Variants in ADCY3 observed in about 807,000 individuals in gnomAD.
The protein encoded by ADCY3 is adenylate cyclase type 3.
Under a neutral mutation model 119.4 loss-of-function variants are expected in ADCY3, and 70 were observed. That is an observed-to-expected ratio of 0.59 (90% confidence interval 0.48 to 0.72). The LOEUF (loss-of-function observed/expected upper bound fraction) is 0.72, where lower values mean the gene tolerates loss of function less well. Among genes scored for constraint, ADCY3 ranks in the 30% least tolerant of loss-of-function variants. ADCY3 has a pLI of 0.00. For synonymous variants in ADCY3, 672 were observed against 621.4 expected, an observed-to-expected ratio of 1.08 and a Z score of -1.21; for missense variants, 1,238 against 1,541.6, an observed-to-expected ratio of 0.80 and a Z score of 3.30.
intron 3 of ADCY3, among the ~76,000 whole-genome samples, chr2:24,870,156 A>AT (rs1553351906): frequency 2.5e-5 from 3 of 119,592 alleles, no homozygotes; most frequent in Non-Finnish European, 5.6e-5. Flanking sequence ...CACTAAAAAT[A>AT]TAAAAAAAAA....
At position 24,845,647 on chromosome 2, in the gene ADCY3, A is replaced by G. The variant is rs578051418; in HGVS notation, c.826-3263T>C. 4.6e-5 allele frequency among the ~76,000 whole-genome samples: 7 copies of G among 152,394 alleles called. No homozygotes were observed. The East Asian group carries it at 1.3e-3, about 29-fold the overall frequency. On this transcript the variant is annotated intron_variant, in intron 3 of 21. Transcript: ENST00000679454. The stretch of plus-strand genomic sequence containing the variant: ...AATTTGCAGCCTGACTATGCGATAG[A>G]AAAGGAAATCCCATCTTCTGATAAT...
rs1572779255 is a variant in ADCY3, at chr2:24,823,098, G to T, written c.2883+111C>A. The T allele has an allele frequency of 8.9e-6, 12 of 1,343,424 alleles. No individual in the cohort carries two copies. In the Admixed American group the frequency reaches 1.6e-4, roughly 18 times the overall value. The allele number at this position is 1,343,424 out of a possible 1,614,324, so 83.2% of individuals were successfully genotyped here. On this transcript the variant is annotated intron_variant, in intron 18 of 21. Coordinates refer to ENST00000679454, the MANE Select transcript of ADCY3 (RefSeq NM_004036.5). Reference sequence around the variant, plus strand: ...CAGAAGTCCATGTATTGCGGAAGGGGCTTATCTGGGAAAATGAAGCCAGTT... The same window carrying T: ...CAGAAGTCCATGTATTGCGGAAGGGTCTTATCTGGGAAAATGAAGCCAGTT...
chr2:24,822,632 T>C lies in ADCY3; in HGVS notation c.2884-2A>G. On this transcript the variant is annotated splice_acceptor_variant, in intron 18 of 21. Coordinates refer to ENST00000679454, the MANE Select transcript of ADCY3 (RefSeq NM_004036.5). LOFTEE classifies it high-confidence loss of function. ...CCGGAACTTGGGATTGTCCAGGAGC[T>C]GAGGCCAGGATTCAGGAAAGAATTG... 6.2e-7 allele frequency: 1 copy of C among 1,613,662 alleles called. No homozygotes were observed. Among genetic ancestry groups the C allele is most frequent in the Non-Finnish European group, 8.5e-7 (1 of 1,179,644 alleles).
chr2:24,821,057 C>CA (rs940485655), intron 20 of ADCY3: 6 of 635,664 alleles, frequency 9.4e-6, no homozygotes, highest in African/African-American at 7.5e-5. Flanking sequence ...ACCCCCCCCC[C>CA]ATATGCAGAT....
chr2:24,912,426 C>T (rs1016936642), intron 2 of ADCY3, among the ~76,000 whole-genome samples: 2 of 152,184 alleles, frequency 1.3e-5, no homozygotes, highest in East Asian at 1.9e-4. Flanking sequence ...AGACCACCCT[C>T]GTGGGATTTG....
At chr2:24,905,156 CAG>C (rs1679325458) in intron 2 of ADCY3, among the ~76,000 whole-genome samples, 1 of 143,776 alleles carries the variant, frequency 7.0e-6, no homozygotes, top group Admixed American at 6.9e-5. Flanking sequence ...TTTTTTGAGG[CAG>C]AGTCTTGTTC....
At chr2:24,906,752 AC>A (rs1428081964) in intron 2 of ADCY3, among the ~76,000 whole-genome samples, 2 of 152,082 alleles carry the variant, frequency 1.3e-5, no homozygotes, top group Non-Finnish European at 2.9e-5. Context: ...CCCTGCTCCC[AC>A]CCCGCTGCCC....
rs1675168136 is a variant in ADCY3 at position 24,872,656 on chromosome 2, C to A, written c.739G>T (p.Ala247Ser). 5.0e-6 allele frequency: 8 copies of A among 1,614,050 alleles called. No individual in the cohort carries two copies. Among genetic ancestry groups the A allele is most frequent in the Non-Finnish European group, 6.8e-6 (8 of 1,180,036 alleles). ...AAGGCCTTGCGGTGCTTGCGGTCAG[C>A]CATGTAGTAGGACATGATGCCCACA... ...IAVGIMSYYM[A>S]DRKHRKAFLE... Residue 247 changes from alanine to serine, a missense_variant, in exon 3 of 22, where the codon GCT becomes TCT. Transcript: ENST00000679454. The surrounding 1 kb of genome is among the most constrained non-coding windows in gnomAD (Gnocchi z 4.4).
intron 2 of ADCY3, among the ~76,000 whole-genome samples, chr2:24,886,898 G>C (rs1157214541): frequency 6.6e-6 from 1 of 152,168 alleles, no homozygotes; most frequent in Non-Finnish European, 1.5e-5. Flanking sequence ...GGCAGATGCT[G>C]GGCCTGGCTG....
rs1251464944 is a variant in ADCY3, at chr2:24,837,016, T to C, written c.1563A>G (p.Ser521=). The C allele has an allele frequency of 1.9e-6, 3 of 1,613,916 alleles. No homozygotes were observed. Among genetic ancestry groups the C allele is most frequent in the Non-Finnish European group, 2.5e-6 (3 of 1,180,004 alleles). ...SALPNGAPAS[S]KSSSPALIET... ...CAATGAGGGCAGGGGAGCTGGACTT[T>C]GAGGAAGCTGGTGCTCCATTGGGCA... Residue 521 remains serine, a synonymous_variant, in exon 9 of 22, where the codon TCA becomes TCG. Coordinates refer to ENST00000679454, the MANE Select transcript of ADCY3 (RefSeq NM_004036.5).
intron 3 of ADCY3, among the ~76,000 whole-genome samples, chr2:24,852,095 G>C (rs949547263): frequency 6.6e-6 from 1 of 152,162 alleles, no homozygotes; most frequent in Admixed American, 6.5e-5. Flanking sequence ...CTGACAGTGC[G>C]GCTCTGGCTC....
intron 2 of ADCY3, among the ~76,000 whole-genome samples, chr2:24,894,261 C>A (rs940470643): frequency 6.6e-6 from 1 of 152,162 alleles, no homozygotes; most frequent in Non-Finnish European, 1.5e-5. Flanking sequence ...GGTGGGAGAA[C>A]TGCTTGAGGC....
intron 2 of ADCY3, among the ~76,000 whole-genome samples, chr2:24,893,336 A>G (rs1677916878): frequency 6.6e-6 from 1 of 151,892 alleles, no homozygotes; most frequent in African/African-American, 2.4e-5. Context: ...ACGCTGCTGC[A>G]CTCCAGCCTG....
In ADCY3 at chr2:24,828,048, G is replaced by T. The variant is rs2289092; in HGVS notation, c.2286C>A (p.Leu762=). 12 of 1,614,272 alleles carry T rather than the reference G, an allele frequency of 7.4e-6. No individual in the cohort carries two copies. In the East Asian group the frequency reaches 2.5e-4, roughly 33 times the overall value. ...KYYNYVAVLS[L]IATIMLVQVS... is the part of the protein sequence containing the mutation. ...CCTGCACCAGCATGATGGTGGCGAT[G>T]AGGGACAGCACGGCCACATAGTTGT... Residue 762 remains leucine (L), a synonymous_variant, in exon 14 of 22, where the codon CTC becomes CTA. Coordinates refer to ENST00000679454, the MANE Select transcript of ADCY3 (RefSeq NM_004036.5).
rs975077619 is a variant in ADCY3, at chr2:24,840,094, T to C, written c.1197-63A>G. The stretch of plus-strand genomic sequence containing the variant: ...CCTTCACGAGGCAGCCAGCTGCCCC[T>C]GCTCCTGCAGGAGAAATTCATTGTG... On this transcript the variant is annotated intron_variant, in intron 6 of 21. Coordinates refer to ENST00000679454, the MANE Select transcript of ADCY3 (RefSeq NM_004036.5). 34 of 1,551,738 alleles carry C rather than the reference T, an allele frequency of 2.2e-5. No individual in the cohort carries two copies. The African/African-American group carries it at 4.1e-4, about 19-fold the overall frequency.
chr2:24,821,170 CT>C, intron 20 of ADCY3: 1 of 437,816 alleles, frequency 2.3e-6, no homozygotes. Context: ...AGCAGGTGAT[CT>C]TAACTCCTTT....
Position 24,839,909 on chromosome 2 carries a change from GT to G in ADCY3, c.1318del (p.Thr440LeufsTer2), listed in dbSNP as rs1670796427. The G allele has an allele frequency of 6.2e-7, 1 of 1,613,896 alleles. No individual in the cohort carries two copies. Among genetic ancestry groups the G allele is most frequent in the Non-Finnish European group, 8.5e-7 (1 of 1,180,022 alleles). On this transcript the variant is annotated frameshift_variant, in exon 7 of 22. Coordinates refer to ENST00000679454, the MANE Select transcript of ADCY3 (RefSeq NM_004036.5). LOFTEE classifies it high-confidence loss of function. ...WQYDVWSTDV[T>X]VANKMEAGGI... ...GCCGGCCTCCATCTTGTTGGCTACA[GT>G]GACATCAGTCGACCACACGTCGTAC...
intron 14 of ADCY3, 140 bp from the exon 15 acceptor site, chr2:24,827,748 C>G: frequency 7.1e-7 from 1 of 1,408,264 alleles, no homozygotes; most frequent in Non-Finnish European, 9.8e-7. Flanking sequence ...AACAGTGATA[C>G]GTCTGTGAGC....
At position 24,872,473 on chromosome 2, in the gene ADCY3, C is replaced by CA. The variant is rs1463066623; in HGVS notation, c.825+96dup. 6.9e-7 allele frequency: 1 copy of CA among 1,456,280 alleles called. No homozygotes were observed. Among genetic ancestry groups the CA allele is most frequent in the African/African-American group, 1.4e-5 (1 of 70,766 alleles). The allele number at this position is 1,456,280 out of a possible 1,614,324, so 90.2% of individuals were successfully genotyped here. A position where few individuals can be genotyped will look rare whatever the true frequency, so the allele number is the denominator to read the frequency against. ...AACAGGGTGGATGAACGCCAAGCCC[C>CA]ACGGAGCCAGGGGCTGCCGCTCTGG... is the stretch of plus-strand genomic sequence containing the variant. On this transcript the variant is annotated intron_variant, in intron 3 of 21. Transcript: ENST00000679454. The surrounding 1 kb of genome is among the most constrained non-coding windows in gnomAD (Gnocchi z 4.4).
Sources: gnomAD v4.1 joint callset for allele counts (sites outside exome capture counted in the v4.1 genomes callset) on GRCh38, gnomAD v4.1.1 for gene constraint, Gnocchi (gnomAD v3.1) non-coding constraint, MANE v1.5 for transcripts, NCBI Gene and HGNC (gene_info 2026-07-23, HGNC 2026-07-21) for gene names.